The following SCMH1 variants were observed in gnomAD, a reference collection of about 807,000 sequenced individuals.
SCMH1 encodes the protein polycomb protein SCMH1.
In SCMH1, 37 loss-of-function variants were observed where a neutral mutation model predicts 70.8. That is an observed-to-expected ratio of 0.52 (90% CI 0.40 to 0.69). The LOEUF is 0.69. Among genes scored for constraint, SCMH1 ranks in the 30% least tolerant of loss-of-function variants. The probability of loss-of-function intolerance (pLI) is 0.00; values close to 1 mark genes in which losing one functional copy is unlikely to be tolerated. For missense variants in SCMH1, 607 were observed against 827.3 expected, an observed-to-expected ratio of 0.73 and a Z score of 3.27; for synonymous variants, 292 against 307.4, an observed-to-expected ratio of 0.95 and a Z score of 0.52.
At chr1:41,201,235 T>C (rs774080203) in intron 1 of SCMH1, among the ~76,000 whole-genome samples, 7 of 152,186 alleles carry the variant, frequency 4.6e-5, no homozygotes, top group Non-Finnish European at 1.0e-4. Flanking sequence ...TATAAATCCA[T>C]GGCATTATCT....
chr1:41,102,452 T>C (rs1183986958), intron 8 of SCMH1, among the ~76,000 whole-genome samples: 1 of 152,212 alleles, frequency 6.6e-6, no homozygotes, highest in African/African-American at 2.4e-5. Flanking sequence ...CAGCATGGGT[T>C]GCCTCCTGCT....
At chr1:41,168,651 T>G (rs1331543438) in intron 2 of SCMH1, among the ~76,000 whole-genome samples, 19 of 130,760 alleles carry the variant, frequency 1.5e-4, no homozygotes, top group South Asian at 1.0e-3. Context: ...TTTTTTTTTT[T>G]GGGAATAGAT....
At chr1:41,089,477 C>A (rs1205920997) in intron 8 of SCMH1, among the ~76,000 whole-genome samples, 2 of 152,242 alleles carry the variant, frequency 1.3e-5, no homozygotes, top group African/African-American at 4.8e-5. Context: ...TTTCATAAGT[C>A]CCCTTCATAC....
At chr1:41,178,214 G>T (rs368949592) in intron 2 of SCMH1, among the ~76,000 whole-genome samples, 2 of 152,144 alleles carry the variant, frequency 1.3e-5, no homozygotes, top group Admixed American at 1.3e-4. Context: ...CACCAGGACT[G>T]CCCTAAAAGA....
rs185090085 is a variant in SCMH1 at position 41,117,742 on chromosome 1, G to A, written c.413-732C>T. Among the ~76,000 whole-genome samples the A allele has an allele frequency of 1.5e-3, 221 of 152,264 alleles. 1 individual carries two copies. Among genetic ancestry groups the A allele is most frequent in the South Asian group, 0.01 (49 of 4,816 alleles). On this transcript the variant is annotated intron_variant, in intron 6 of 14. Coordinates refer to ENST00000337495, the Ensembl canonical transcript of SCMH1. ...GTCTCTGATTAGTAGAAATAATGGC[G>A]TAAGCTGTCTCTCTCTCTCTCCTCT...
intron 8 of SCMH1, among the ~76,000 whole-genome samples, chr1:41,106,424 C>T (rs1667943170): frequency 6.6e-6 from 1 of 151,744 alleles, no homozygotes; most frequent in African/African-American, 2.4e-5. Context: ...TCCCTGAGGC[C>T]TCCCCAGAAG....
chr1:41,221,746 G>T (rs1466307539), intron 1 of SCMH1, among the ~76,000 whole-genome samples: 1 of 151,500 alleles, frequency 6.6e-6, no homozygotes, highest in African/African-American at 2.4e-5. Context: ...AAAAAAATTA[G>T]CCAGGTGTGG....
intron 2 of SCMH1, among the ~76,000 whole-genome samples, chr1:41,162,528 C>G (rs1646121897): frequency 6.6e-6 from 1 of 152,324 alleles, no homozygotes; most frequent in South Asian, 2.1e-4. Flanking sequence ...GCCCCAGGAT[C>G]AGCCCCAGAG....
At chr1:41,072,794 A>C (rs1571804217) in intron 9 of SCMH1, among the ~76,000 whole-genome samples, 1 of 152,150 alleles carries the variant, frequency 6.6e-6, no homozygotes, top group Non-Finnish European at 1.5e-5. Context: ...TGAGCCCAGG[A>C]GGTCAAGGCT....
chr1:41,231,208 G>A (rs1159379426), intron 1 of SCMH1, among the ~76,000 whole-genome samples: 1 of 152,142 alleles, frequency 6.6e-6, no homozygotes, highest in Non-Finnish European at 1.5e-5. Flanking sequence ...AACTGAGGCA[G>A]AAAAAGTTCA....
At chr1:41,210,881 C>T (rs1298063587) in intron 1 of SCMH1, among the ~76,000 whole-genome samples, 1 of 151,564 alleles carries the variant, frequency 6.6e-6, no homozygotes, top group East Asian at 1.9e-4. Context: ...ATGATCTCGA[C>T]TCACTGCAAC....
At chr1:41,104,969 T>TG (rs1426556939) in intron 8 of SCMH1, among the ~76,000 whole-genome samples, 1 of 151,764 alleles carries the variant, frequency 6.6e-6, no homozygotes, top group African/African-American at 2.4e-5. Flanking sequence ...CTTTTTTTTT[T>TG]TTTGAGATGG....
chr1:41,131,206 G>A (rs1425621850), intron 6 of SCMH1, among the ~76,000 whole-genome samples: 2 of 152,098 alleles, frequency 1.3e-5, no homozygotes, highest in African/African-American at 4.8e-5. Flanking sequence ...CCATAAATTG[G>A]TAGGTTCATT....
At chr1:41,211,137 A>T (rs1656919970) in intron 1 of SCMH1, among the ~76,000 whole-genome samples, 1 of 152,188 alleles carries the variant, frequency 6.6e-6, no homozygotes, top group African/African-American at 2.4e-5. Context: ...CACCAAAAGC[A>T]ATGGAAACAA....
chr1:41,198,077 A>T (rs1451583861), intron 1 of SCMH1, among the ~76,000 whole-genome samples: 1 of 152,138 alleles, frequency 6.6e-6, no homozygotes. Flanking sequence ...AATAGTGCCT[A>T]CCCCAAGGTT....
At chr1:41,065,259 G>A (rs1654194093) in intron 10 of SCMH1, among the ~76,000 whole-genome samples, 1 of 152,182 alleles carries the variant, frequency 6.6e-6, no homozygotes, top group Admixed American at 6.5e-5. Context: ...AAGGTGGGAA[G>A]ACTGCATGAG....
chr1:41,176,772 C>G (rs1202630903), intron 2 of SCMH1, among the ~76,000 whole-genome samples: 1 of 152,194 alleles, frequency 6.6e-6, no homozygotes, highest in African/African-American at 2.4e-5. Context: ...CTGGGTGGAG[C>G]CTACCGCAGC....
intron 1 of SCMH1, among the ~76,000 whole-genome samples, chr1:41,202,401 T>C (rs1024036094): frequency 2.0e-5 from 3 of 152,078 alleles, no homozygotes; most frequent in Non-Finnish European, 2.9e-5. Context: ...CTTCCTCAGC[T>C]TTTGACCTAG....
At chr1:41,236,754 C>T (rs1322097471) in intron 1 of SCMH1, among the ~76,000 whole-genome samples, 1 of 152,122 alleles carries the variant, frequency 6.6e-6, no homozygotes, top group Non-Finnish European at 1.5e-5. Context: ...TAACACAATA[C>T]AAGTGCTATG....
Sources: allele counts gnomAD v4.1 joint callset (sites outside exome capture counted in the v4.1 genomes callset), GRCh38; gene constraint gnomAD v4.1.1; transcripts MANE v1.5; gene names NCBI Gene and HGNC (gene_info 2026-07-23, HGNC 2026-07-21).